RIMBP2: variants seen among roughly 807,000 people sequenced by gnomAD.
The protein encoded by RIMBP2 is RIMS-binding protein 2.
A neutral mutation model predicts 118.6 loss-of-function variants in RIMBP2; 48 were observed. The ratio of observed to expected loss-of-function variants is 0.40; its 90% CI spans 0.32 to 0.51. The LOEUF is 0.51. Among genes scored for constraint, RIMBP2 ranks in the 20% least tolerant of loss-of-function variants. The pLI is 0.41. For synonymous variants in RIMBP2, 762 were observed against 742.9 expected (o/e 1.03, Z -0.42); for missense variants, 1,551 against 1,768.3 (o/e 0.88, Z 2.20).
chr12:130,400,583 C>T (rs979349830), intron 21 of RIMBP2, among the ~76,000 whole-genome samples: 2 of 152,102 alleles, frequency 1.3e-5, no homozygotes, highest in Admixed American at 6.5e-5. Context: ...TTGGCTGGCT[C>T]TGGGCAACAC....
Position 130,710,162 on chromosome 12 carries a change from G to T in RIMBP2, c.-352+6060C>A, listed in dbSNP as rs1406058268. Among the ~76,000 whole-genome samples, 1 of 152,082 alleles carries T rather than the reference G, an allele frequency of 6.6e-6. No homozygotes were observed. Among genetic ancestry groups the T allele is most frequent in the Non-Finnish European group, 1.5e-5 (1 of 68,008 alleles). On this transcript the variant is annotated intron_variant, in intron 1 of 22. Coordinates refer to ENST00000690449, the MANE Select transcript of RIMBP2 (RefSeq NM_001393629.1). This position sits in a 1 kb window ranked among gnomAD's most constrained non-coding sequence, Gnocchi z 4.3. ...GAGCAATTTCTGCACATACCTATGAGAATCAAAGCCACCGAGCAGCTCGCA... is the reference window on the plus strand; with the variant it reads ...GAGCAATTTCTGCACATACCTATGATAATCAAAGCCACCGAGCAGCTCGCA...
chr12:130,567,994 T>TA (rs972550612), intron 2 of RIMBP2, among the ~76,000 whole-genome samples: 6 of 150,450 alleles, frequency 4.0e-5, no homozygotes, highest in South Asian at 2.1e-4. Flanking sequence ...ATGCACCAAT[T>TA]AAAAAAAAAG....
At chr12:130,707,822 G>A (rs1949610266) in intron 1 of RIMBP2, among the ~76,000 whole-genome samples, 1 of 152,160 alleles carries the variant, frequency 6.6e-6, no homozygotes, top group Non-Finnish European at 1.5e-5. Flanking sequence ...AGGGAAAGTG[G>A]CGGATATTAG....
intron 1 of RIMBP2, among the ~76,000 whole-genome samples, chr12:130,714,204 C>G (rs1424111521): frequency 1.3e-5 from 2 of 152,246 alleles, no homozygotes; most frequent in Admixed American, 1.3e-4. Flanking sequence ...TCCTCCCGCC[C>G]CCTGAGCACA....
chr12:130,695,839 A>T (rs2065541061), intron 1 of RIMBP2, among the ~76,000 whole-genome samples: 1 of 151,946 alleles, frequency 6.6e-6, no homozygotes, highest in Non-Finnish European at 1.5e-5. Context: ...GAAAGTTTAG[A>T]GACGTCCAGA....
chr12:130,689,587 C>G (rs927750477), intron 1 of RIMBP2, among the ~76,000 whole-genome samples: 2 of 152,140 alleles, frequency 1.3e-5, no homozygotes, highest in African/African-American at 4.8e-5. Flanking sequence ...GTACGATTCT[C>G]CCCTGGACGT....
chr12:130,479,253 C>T (rs998077534), intron 4 of RIMBP2, among the ~76,000 whole-genome samples: 4 of 152,232 alleles, frequency 2.6e-5, no homozygotes, highest in African/African-American at 9.6e-5. Context: ...CTGCAGGTTC[C>T]AAATGCAGCG....
intron 2 of RIMBP2, among the ~76,000 whole-genome samples, chr12:130,528,566 T>C (rs1264758948): frequency 1.3e-5 from 2 of 152,202 alleles, no homozygotes; most frequent in African/African-American, 2.4e-5. Context: ...TGTTTACCTA[T>C]GTAACAAACC....
chr12:130,694,800 A>C (rs1477859264), intron 1 of RIMBP2, among the ~76,000 whole-genome samples: 1 of 152,172 alleles, frequency 6.6e-6, no homozygotes, highest in Non-Finnish European at 1.5e-5. Context: ...TGGAGAGGGC[A>C]CACAAAGAAA....
At chr12:130,468,144 G>C (rs540139249) in intron 6 of RIMBP2, among the ~76,000 whole-genome samples, 1 of 152,328 alleles carries the variant, frequency 6.6e-6, no homozygotes. Context: ...GGTGGGACTT[G>C]ACAGCCATGG....
At chr12:130,399,965 T>C (rs946431597) in intron 21 of RIMBP2, 152 bp from the exon 22 acceptor site, 34 of 809,704 alleles carry the variant, frequency 4.2e-5, no homozygotes, top group Non-Finnish European at 5.9e-5. Flanking sequence ...TAAATCAGGG[T>C]TTCCAAATTT....
chr12:130,546,411 T>C (rs182844270), intron 2 of RIMBP2, among the ~76,000 whole-genome samples: 17 of 152,314 alleles, frequency 1.1e-4, no homozygotes, highest in African/African-American at 4.1e-4. Flanking sequence ...TTCTCCTGCC[T>C]CAGCCTCCAG....
intron 3 of RIMBP2, among the ~76,000 whole-genome samples, chr12:130,509,824 T>C (rs1438764894): frequency 6.6e-6 from 1 of 152,212 alleles, no homozygotes; most frequent in African/African-American, 2.4e-5. Flanking sequence ...TATTTGCTAT[T>C]GTGACCCTGA....
intron 10 of RIMBP2, among the ~76,000 whole-genome samples, chr12:130,443,919 C>G (rs1279070364): frequency 6.6e-6 from 1 of 152,168 alleles, no homozygotes; most frequent in Non-Finnish European, 1.5e-5. Context: ...TCCTCAGACC[C>G]TCTATGAGGT....
At position 130,621,843 on chromosome 12, in the gene RIMBP2, C is replaced by T. The variant is rs74376924; in HGVS notation, c.-217+6479G>A. ...CCCTTGAAGGTAAACCTGGAGCCAT[C>T]GCTGAACCCAGCCTGGTACTGAGGC... On this transcript the variant is annotated intron_variant, in intron 2 of 22. Transcript: ENST00000690449. This position sits in a 1 kb window ranked among gnomAD's most constrained non-coding sequence, Gnocchi z 6.6. Among the ~76,000 whole-genome samples the T allele has an allele frequency of 1.9e-3, 293 of 152,286 alleles. No individual in the cohort carries two copies. Among genetic ancestry groups the T allele is most frequent in the African/African-American group, 6.0e-3 (248 of 41,562 alleles).
intron 2 of RIMBP2, among the ~76,000 whole-genome samples, chr12:130,548,840 G>A (rs1186388984): frequency 6.6e-6 from 1 of 151,764 alleles, no homozygotes; most frequent in South Asian, 2.1e-4. Flanking sequence ...GGAGGCCTCA[G>A]CCTCCCAAAG....
chr12:130,628,290 T>C (rs2061770335), intron 2 of RIMBP2, 32 bp downstream of exon 2: 1 of 152,190 alleles, frequency 6.6e-6, no homozygotes, highest in African/African-American at 2.4e-5. Flanking sequence ...TACAGAGGAA[T>C]ACTGCTTCTG....
At chr12:130,506,605 C>G (rs1593570692) in intron 4 of RIMBP2, 43 bp downstream of exon 4, 5 of 985,688 alleles carry the variant, frequency 5.1e-6, no homozygotes, top group Non-Finnish European at 6.0e-6. Context: ...ACACCGACCT[C>G]ACAAAGAGCA....
intron 2 of RIMBP2, among the ~76,000 whole-genome samples, chr12:130,552,048 A>G (rs147308444): frequency 6.6e-6 from 1 of 152,366 alleles, no homozygotes; most frequent in East Asian, 1.9e-4. Flanking sequence ...ATTAAATTAG[A>G]TAATGGGTTG....
Sources: allele counts gnomAD v4.1 joint callset (sites outside exome capture counted in the v4.1 genomes callset), GRCh38; gene constraint gnomAD v4.1.1; non-coding constraint Gnocchi (gnomAD v3.1); transcripts MANE v1.5; gene names NCBI Gene and HGNC (gene_info 2026-07-23, HGNC 2026-07-21).